The following CLSTN2 variants were observed in gnomAD, a reference collection of about 807,000 sequenced individuals.
CLSTN2 encodes calsyntenin 2.
A neutral mutation model predicts 101.2 loss-of-function variants in CLSTN2; 48 were observed. That is an observed-to-expected ratio of 0.47 (90% CI 0.38 to 0.60). The LOEUF (loss-of-function observed/expected upper bound fraction) is 0.60. Among genes scored for constraint, CLSTN2 ranks in the 20% least tolerant of loss-of-function variants. CLSTN2 has a pLI of 0.00. For synonymous variants in CLSTN2, 481 were observed against 463.6 expected (o/e 1.04, Z -0.48); for missense variants, 1,160 against 1,238.2 (o/e 0.94, Z 0.95).
At chr3:140,168,852 A>G (rs924644454) in intron 1 of CLSTN2, among the ~76,000 whole-genome samples, 2 of 152,090 alleles carry the variant, frequency 1.3e-5, no homozygotes, top group Non-Finnish European at 2.9e-5. Flanking sequence ...ATTGATGTAT[A>G]CATCTATCTT....
Position 140,459,614 on chromosome 3 carries a change from T to G in CLSTN2, c.1067T>G (p.Phe356Cys). Residue 356 changes from phenylalanine to cysteine, a missense_variant, in exon 7 of 17, where the codon TTC (phenylalanine) becomes TGC (cysteine). Transcript: ENST00000458420. Reference sequence around the variant, plus strand: ...CTGGTGGACAGCAGTGAGATGATCTTCAAGTTTGACGGCAGGCAGGGTGCC... The same window carrying G: ...CTGGTGGACAGCAGTGAGATGATCTGCAAGTTTGACGGCAGGCAGGGTGCC... ...GLLVDSSEMI[F>C]KFDGRQGAKV... The G allele has an allele frequency of 6.2e-7, 1 of 1,614,156 alleles. No homozygotes were observed. Among genetic ancestry groups the G allele is most frequent in the South Asian group, 1.1e-5 (1 of 91,088 alleles).
At chr3:140,041,407 G>T (rs1318929610) in intron 1 of CLSTN2, among the ~76,000 whole-genome samples, 1 of 152,188 alleles carries the variant, frequency 6.6e-6, no homozygotes, top group East Asian at 1.9e-4. Context: ...TATCCAGGAA[G>T]TTGGGAGTAA....
intron 8 of CLSTN2, among the ~76,000 whole-genome samples, chr3:140,531,305 C>T (rs577061958): frequency 4.0e-4 from 61 of 152,068 alleles, no homozygotes; most frequent in African/African-American, 1.4e-3. Flanking sequence ...TGAGACAGGA[C>T]AATATAAAAA....
intron 1 of CLSTN2, among the ~76,000 whole-genome samples, chr3:140,044,999 G>A (rs2007842976): frequency 6.6e-6 from 1 of 152,152 alleles, no homozygotes. Context: ...ATCTTTTTTG[G>A]TTGTGTCTCT....
chr3:140,395,685 C>G (rs2088174135), intron 2 of CLSTN2, among the ~76,000 whole-genome samples: 1 of 152,224 alleles, frequency 6.6e-6, no homozygotes, highest in Non-Finnish European at 1.5e-5. Flanking sequence ...TTTCTACATT[C>G]AGCCCTAAAG....
chr3:140,505,472 C>T (rs905967199), intron 8 of CLSTN2: 1 of 152,270 alleles, frequency 6.6e-6, no homozygotes, highest in South Asian at 2.1e-4. Context: ...TTTACAGAGC[C>T]AGTAGCTGAG....
chr3:140,277,298 T>C (rs567832371), intron 2 of CLSTN2, among the ~76,000 whole-genome samples: 1 of 152,336 alleles, frequency 6.6e-6, no homozygotes, highest in Admixed American at 6.5e-5. Flanking sequence ...GCTGAGTTAC[T>C]TCCCCTAAGG....
chr3:139,970,433 G>A (rs1935676362), intron 1 of CLSTN2, among the ~76,000 whole-genome samples: 1 of 152,156 alleles, frequency 6.6e-6, no homozygotes, highest in Admixed American at 6.5e-5. Flanking sequence ...GGTGCTCAAA[G>A]CCTAGTTCTA....
chr3:140,341,965 G>C (rs1279925377), intron 2 of CLSTN2, among the ~76,000 whole-genome samples: 1 of 152,150 alleles, frequency 6.6e-6, no homozygotes, highest in African/African-American at 2.4e-5. Flanking sequence ...GGTTCAGTGA[G>C]GACATTGTGA....
rs10601007 is a variant in CLSTN2, at chr3:140,427,223, ATG to A, written c.787+5955_787+5956del. On this transcript the variant is annotated intron_variant, in intron 5 of 16. Coordinates refer to ENST00000458420, the MANE Select transcript of CLSTN2 (RefSeq NM_022131.3). ...TATATATGTGTATATATATATATAT[ATG>A]TGTGTATATATATATATATACATAT... 6.9e-3 allele frequency among the ~76,000 whole-genome samples: 712 copies of A among 102,744 alleles called. 15 individuals are homozygous for A. Among genetic ancestry groups the A allele is most frequent in the Non-Finnish European group, 8.7e-3 (513 of 59,216 alleles). 67.4% of individuals were successfully genotyped at this position (102,744 alleles called of 152,430 possible). A position where few individuals can be genotyped will look rare whatever the true frequency, so the allele number is the denominator to read the frequency against.
chr3:139,972,313 T>C (rs1935722030), intron 1 of CLSTN2, among the ~76,000 whole-genome samples: 1 of 152,028 alleles, frequency 6.6e-6, no homozygotes, highest in Non-Finnish European at 1.5e-5. Flanking sequence ...TTTTACAATT[T>C]AGTGGGTCCT....
intron 1 of CLSTN2, among the ~76,000 whole-genome samples, chr3:139,959,666 T>G (rs2107813920): frequency 6.6e-6 from 1 of 152,214 alleles, no homozygotes; most frequent in African/African-American, 2.4e-5. Flanking sequence ...TCCTTGCCAG[T>G]CATCTCTTCT....
chr3:140,057,576 T>G (rs1314354383), intron 1 of CLSTN2, among the ~76,000 whole-genome samples: 2 of 152,212 alleles, frequency 1.3e-5, no homozygotes, highest in African/African-American at 4.8e-5. Flanking sequence ...ATCGCCTCAT[T>G]AGTCATATTT....
In CLSTN2 at chr3:140,570,583, T is replaced by C. The variant is rs1192003409; in HGVS notation, c.*4330T>C. 2 of 152,138 alleles carry C rather than the reference T, an allele frequency of 1.3e-5. No individual in the cohort carries two copies. Among genetic ancestry groups the C allele is most frequent in the Non-Finnish European group, 2.9e-5 (2 of 68,022 alleles). The allele number at this position is 152,138 out of a possible 1,614,324, so 9.4% of individuals were successfully genotyped here. On this transcript the variant is annotated 3_prime_UTR_variant, in exon 17 of 17. Transcript: ENST00000458420. ...CCTATTGTAGCATGAAAACAGACAA[T>C]ACGTACAACAAATGAATGTTTCAAT...
At chr3:140,157,090 G>A (rs1391699993) in intron 1 of CLSTN2, among the ~76,000 whole-genome samples, 1 of 152,036 alleles carries the variant, frequency 6.6e-6, no homozygotes, top group African/African-American at 2.4e-5. Context: ...TGCTCAATGA[G>A]GGGAAGCATC....
intron 2 of CLSTN2, among the ~76,000 whole-genome samples, chr3:140,382,158 A>T (rs1028963850): frequency 6.6e-6 from 1 of 152,078 alleles, no homozygotes; most frequent in Non-Finnish European, 1.5e-5. Context: ...CTTCCCAGTT[A>T]TTTTCCTGTT....
intron 8 of CLSTN2, among the ~76,000 whole-genome samples, chr3:140,472,999 T>C (rs2108025370): frequency 1.3e-5 from 2 of 152,304 alleles, no homozygotes; most frequent in Non-Finnish European, 2.9e-5. Context: ...CTTCATGGTG[T>C]TGGCAGAGAA....
intron 2 of CLSTN2, among the ~76,000 whole-genome samples, chr3:140,299,736 A>G (rs1344059255): frequency 6.6e-6 from 1 of 152,216 alleles, no homozygotes; most frequent in African/African-American, 2.4e-5. Context: ...TAGCCTCCAT[A>G]GACCATTGCC....
chr3:140,396,982 G>A (rs2088190000), intron 2 of CLSTN2, among the ~76,000 whole-genome samples: 1 of 151,846 alleles, frequency 6.6e-6, no homozygotes, highest in Non-Finnish European at 1.5e-5. Flanking sequence ...TTCTTTATGT[G>A]GGCTACATCT....
Sources: gnomAD v4.1 joint callset for allele counts (sites outside exome capture counted in the v4.1 genomes callset) on GRCh38, gnomAD v4.1.1 for gene constraint, MANE v1.5 for transcripts, NCBI Gene and HGNC (gene_info 2026-07-23, HGNC 2026-07-21) for gene names.